Variants in PRKN observed in about 807,000 individuals in gnomAD.
PRKN encodes parkin RBR E3 ubiquitin protein ligase.
In PRKN, 56 loss-of-function variants were observed where a neutral mutation model predicts 59.5. The ratio of observed to expected loss-of-function variants is 0.94; its 90% CI spans 0.76 to 1.18. The LOEUF (loss-of-function observed/expected upper bound fraction) is 1.18. Ranked by LOEUF, PRKN falls within the 50% of genes most tolerant of loss-of-function variation. The probability of loss-of-function intolerance (pLI) is 0.00; values close to 1 mark genes in which losing one functional copy is unlikely to be tolerated. For missense variants in PRKN, 657 were observed against 596.4 expected, an observed-to-expected ratio of 1.10 and a Z score of -1.06; for synonymous variants, 250 against 222.1, an observed-to-expected ratio of 1.13 and a Z score of -1.12.
chr6:162,094,443 C>A (rs1779644465), intron 4 of PRKN, among the ~76,000 whole-genome samples: 1 of 152,092 alleles, frequency 6.6e-6, no homozygotes. Flanking sequence ...GTGTTTGTGC[C>A]ACTGCACTCC....
At chr6:161,555,308 T>C (rs1435252957) in intron 8 of PRKN, among the ~76,000 whole-genome samples, 2 of 152,214 alleles carry the variant, frequency 1.3e-5, no homozygotes, top group Non-Finnish European at 2.9e-5. Context: ...CATTCTTCCA[T>C]TGTCCATAAG....
chr6:162,454,042 C>T (rs112206364), intron 1 of PRKN, among the ~76,000 whole-genome samples: 2,018 of 152,266 alleles, frequency 0.013, 51 homozygotes, highest in African/African-American at 0.047. Context: ...TCTCAGTATA[C>T]TTTGTACCTC....
intron 7 of PRKN, among the ~76,000 whole-genome samples, chr6:161,776,742 G>A (rs1228009040): frequency 6.6e-6 from 1 of 152,184 alleles, no homozygotes; most frequent in Non-Finnish European, 1.5e-5. Flanking sequence ...CCTAGGGAGA[G>A]GCAGGGCAGC....
chr6:162,306,885 C>T (rs771299196), intron 2 of PRKN, among the ~76,000 whole-genome samples: 3 of 152,142 alleles, frequency 2.0e-5, no homozygotes, highest in African/African-American at 7.2e-5. Context: ...CTGATGCTAC[C>T]GATGGACACG....
intron 6 of PRKN, among the ~76,000 whole-genome samples, chr6:161,846,995 G>C (rs1793227504): frequency 6.6e-6 from 1 of 152,100 alleles, no homozygotes; most frequent in Non-Finnish European, 1.5e-5. Context: ...TCATCAGAGA[G>C]AGGCCCAAAA....
chr6:161,659,090 C>A (rs1023998482), intron 7 of PRKN, among the ~76,000 whole-genome samples: 4 of 152,162 alleles, frequency 2.6e-5, no homozygotes, highest in African/African-American at 9.7e-5. Context: ...ACTGTGACTG[C>A]CTGACAAATC....
intron 5 of PRKN, among the ~76,000 whole-genome samples, chr6:161,987,897 T>C (rs1781493243): frequency 6.6e-6 from 1 of 152,162 alleles, no homozygotes; most frequent in Non-Finnish European, 1.5e-5. Flanking sequence ...GGATGGCAAA[T>C]AGTGCAGCAT....
chr6:162,645,516 CA>C (rs1374619526), intron 1 of PRKN, among the ~76,000 whole-genome samples: 1 of 152,056 alleles, frequency 6.6e-6, no homozygotes. Flanking sequence ...ATGGAAAAAA[CA>C]AAGTCAGGGA....
At position 162,157,493 on chromosome 6, in the gene PRKN, G is replaced by T. The variant is rs566732786; in HGVS notation, c.534+43638C>A. 2.6e-5 allele frequency among the ~76,000 whole-genome samples: 4 copies of T among 152,106 alleles called. No homozygotes were observed. The South Asian group carries it at 6.2e-4, about 24-fold the overall frequency. ...TGCCAAAAAGCTGCTCCAGCTGAAAGATGGTCTCTAAAAGTACTGACAAAA... is the reference window on the plus strand; with the variant it reads ...TGCCAAAAAGCTGCTCCAGCTGAAATATGGTCTCTAAAAGTACTGACAAAA... On this transcript the variant is annotated intron_variant, in intron 4 of 11. Coordinates refer to ENST00000366898, the MANE Select transcript of PRKN (RefSeq NM_004562.3).
chr6:162,201,230 G>C lies in PRKN; in HGVS notation c.435C>G (p.Ser145Arg), dbSNP rs371890659. Residue 145 changes from serine to arginine, a missense_variant, in exon 4 of 12, where the codon AGC (serine) becomes AGG (arginine). Coordinates refer to ENST00000366898, the MANE Select transcript of PRKN (RefSeq NM_004562.3). ...GSPAGRSIYN[S>R]FYVYCKGPCQ... The stretch of plus-strand genomic sequence containing the variant: ...AGGGGCCTTTGCAATACACATAAAA[G>C]CTGTTGTAGATTGATCTACCTGCTG... 1.1e-5 allele frequency: 18 copies of C among 1,613,858 alleles called. No individual in the cohort carries two copies. The highest frequency in any genetic ancestry group is 1.5e-5 in the Non-Finnish European group (18 of 1,179,774).
chr6:161,609,233 A>T (rs1782398209), intron 7 of PRKN, among the ~76,000 whole-genome samples: 2 of 152,290 alleles, frequency 1.3e-5, no homozygotes, highest in South Asian at 4.1e-4. Flanking sequence ...TTTTACTTTT[A>T]ATTTTTTATA....
intron 4 of PRKN, among the ~76,000 whole-genome samples, chr6:162,137,894 T>C (rs998563031): frequency 6.6e-5 from 10 of 152,132 alleles, no homozygotes; most frequent in Non-Finnish European, 1.0e-4. Flanking sequence ...ATAGTGGATA[T>C]ATAGAAGTTA....
Position 161,773,928 on chromosome 6 carries a change from G to C in PRKN, c.871+11844C>G, listed in dbSNP as rs1789801323. Among the ~76,000 whole-genome samples the C allele has an allele frequency of 2.0e-5, 3 of 152,186 alleles. No homozygotes were observed. In the South Asian group the frequency reaches 6.2e-4, roughly 32 times the overall value. On this transcript the variant is annotated intron_variant, in intron 7 of 11. Transcript: ENST00000366898. ...TTGGCGTTCCTCCCAGAGAGGAAGGGAGTGATGCTGCTGGAGCTGTTTCAA... is the reference window on the plus strand; with the variant it reads ...TTGGCGTTCCTCCCAGAGAGGAAGGCAGTGATGCTGCTGGAGCTGTTTCAA...
chr6:161,468,377 C>A lies in PRKN; in HGVS notation c.1083+80477G>T, dbSNP rs929503913. ...GGTGTAGACAGGAAGAGAGAAGAGGCAGTGGGTCTGGGAAAATACTCAGCC... is the reference window on the plus strand; with the variant it reads ...GGTGTAGACAGGAAGAGAGAAGAGGAAGTGGGTCTGGGAAAATACTCAGCC... On this transcript the variant is annotated intron_variant, in intron 9 of 11. Transcript: ENST00000366898. The surrounding 1 kb of genome is among the most constrained non-coding windows in gnomAD (Gnocchi z 5.9). Among the ~76,000 whole-genome samples, 14 of 151,880 alleles carry A rather than the reference C, an allele frequency of 9.2e-5. No individual in the cohort carries two copies. The highest frequency in any genetic ancestry group is 2.7e-4 in the African/African-American group (11 of 41,356).
rs573516098 is a variant in PRKN, at chr6:161,547,328, T to C, written c.1083+1526A>G. 6.6e-6 allele frequency among the ~76,000 whole-genome samples: 1 copy of C among 152,338 alleles called. No individual in the cohort carries two copies. Among genetic ancestry groups the C allele is most frequent in the South Asian group, 2.1e-4 (1 of 4,824 alleles). ...CTTTTAATCCAAAGACATTACAGCATTTTGATTCACTTCTAAAATAATTTG... is the reference window on the plus strand; with the variant it reads ...CTTTTAATCCAAAGACATTACAGCACTTTGATTCACTTCTAAAATAATTTG... On this transcript the variant is annotated intron_variant, in intron 9 of 11. Coordinates refer to ENST00000366898, the MANE Select transcript of PRKN (RefSeq NM_004562.3). This position sits in a 1 kb window ranked among gnomAD's most constrained non-coding sequence, Gnocchi z 4.0.
intron 9 of PRKN, among the ~76,000 whole-genome samples, chr6:161,465,344 C>T (rs931452682): frequency 2.6e-5 from 4 of 152,146 alleles, no homozygotes; most frequent in Non-Finnish European, 4.4e-5. Context: ...CTCATTCCTT[C>T]GTACAGATCT....
At chr6:162,415,452 T>C (rs1228112583) in intron 2 of PRKN, among the ~76,000 whole-genome samples, 1 of 152,146 alleles carries the variant, frequency 6.6e-6, no homozygotes, top group Non-Finnish European at 1.5e-5. Flanking sequence ...TGTATCTAAA[T>C]ATCTTTATGG....
chr6:162,208,403 C>A (rs1485324915), intron 3 of PRKN, among the ~76,000 whole-genome samples: 1 of 152,196 alleles, frequency 6.6e-6, no homozygotes, highest in Non-Finnish European at 1.5e-5. Flanking sequence ...AAAGTTATAA[C>A]TTAATTCTCA....
chr6:161,855,834 TA>T (rs1298925873), intron 6 of PRKN, among the ~76,000 whole-genome samples: 1 of 152,192 alleles, frequency 6.6e-6, no homozygotes. Context: ...GCTATAGATA[TA>T]AAAATCCTTC....
Sources: gnomAD v4.1 joint callset for allele counts (sites outside exome capture counted in the v4.1 genomes callset) on GRCh38, gnomAD v4.1.1 for gene constraint, Gnocchi (gnomAD v3.1) non-coding constraint, MANE v1.5 for transcripts, NCBI Gene and HGNC (gene_info 2026-07-23, HGNC 2026-07-21) for gene names.